Variants in KIAA1210 observed in about 807,000 individuals in gnomAD.
The protein encoded by KIAA1210 is acrosomal protein KIAA1210.
KIAA1210 carries 48 observed loss-of-function variants against 78.9 expected under a neutral mutation model. The ratio of observed to expected loss-of-function variants is 0.61; its 90% CI spans 0.48 to 0.77. KIAA1210 has a LOEUF of 0.77. KIAA1210 is among the 30% of genes least tolerant of loss of function. The pLI is 0.00. For synonymous variants in KIAA1210, 406 were observed against 404.5 expected, an observed-to-expected ratio of 1.00 and a Z score of -0.04; for missense variants, 1,108 against 1,100.0, an observed-to-expected ratio of 1.01 and a Z score of -0.10.
intron 4 of KIAA1210, among the ~76,000 whole-genome samples, chrX:119,108,717 A>C (rs1927971871): frequency 9.1e-6 from 1 of 109,337 alleles, no homozygotes; most frequent in Non-Finnish European, 1.9e-5. Context: ...GTACCAAAAA[A>C]TCATCCAGGC....
intron 3 of KIAA1210, among the ~76,000 whole-genome samples, chrX:119,109,590 T>A (rs1226361756): frequency 8.9e-6 from 1 of 112,055 alleles, no homozygotes; most frequent in Non-Finnish European, 1.9e-5. Context: ...TGAGATATAG[T>A]TTACATGCCA....
chrX:119,103,153 C>A (rs1479421147), intron 6 of KIAA1210, among the ~76,000 whole-genome samples: 6 of 111,763 alleles, frequency 5.4e-5, no homozygotes, highest in Non-Finnish European at 1.1e-4. Context: ...GACCTGCCTC[C>A]CAGGTGCACA....
chrX:119,108,469 T>A lies in KIAA1210; in HGVS notation c.360A>T (p.Arg120Ser). 1.7e-6 allele frequency: 2 copies of A among 1,207,054 alleles called. No homozygotes were observed. The highest frequency in any genetic ancestry group is 2.2e-6 in the Non-Finnish European group (2 of 893,294). The change falls in exon 5 of 12, where the codon AGA (arginine) becomes AGT (serine). Residue 120 changes from arginine (R) to serine (S), a missense_variant and splice_region_variant. This residue lies in a region of KIAA1210 where 672 missense variants were observed against 607.1 expected (regional missense o/e 1.11). Coordinates refer to ENST00000691062, the MANE Select transcript of KIAA1210 (RefSeq NM_001394962.1). ...TAGGCAGAGTTCTGGAAATATGGGA[T>A]CTCTGTGTAAGAGAGAGAGAAAAAA... ...MDPQRGRPQQ[R>S]SHISRTLPKP...
At chrX:119,108,113 G>A (rs1435003407) in intron 5 of KIAA1210, among the ~76,000 whole-genome samples, 3 of 111,795 alleles carry the variant, frequency 2.7e-5, no homozygotes, top group African/African-American at 9.8e-5. Flanking sequence ...GGGTGGGCTT[G>A]AGCAATATCT....
intron 6 of KIAA1210, among the ~76,000 whole-genome samples, chrX:119,102,422 C>T (rs1927761061): frequency 1.8e-5 from 2 of 111,132 alleles, no homozygotes; most frequent in Admixed American, 9.6e-5. Context: ...GGTGGAAGTA[C>T]AGTGGCTACA....
intron 6 of KIAA1210, among the ~76,000 whole-genome samples, chrX:119,098,489 C>T (rs938050976): frequency 9.1e-6 from 1 of 109,774 alleles, no homozygotes; most frequent in African/African-American, 3.3e-5. Context: ...CCTGTAATCC[C>T]AGCTACTTGG....
chrX:119,081,422 G>C lies in KIAA1210; in HGVS notation c.4509C>G (p.Phe1503Leu). The change falls in exon 12 of 12, where the codon TTC (phenylalanine) becomes TTG (leucine). Residue 1503 changes from phenylalanine to leucine, a missense_variant. Around this residue, in one of 5 missense-constraint regions of KIAA1210, gnomAD observed 245 missense variants for 278.8 expected, o/e 0.88. Transcript: ENST00000691062. ...GCTCAATTGGCTCAACTGGGTTCTG[G>C]AACTTGGCTGGGAGAGTTGAAGATC... The part of the protein sequence containing the change: ...TKRSSTLPAK[F>L]QNPVEPIEPV... 1 of 1,210,916 alleles carries C rather than the reference G, an allele frequency of 8.3e-7. No individual in the cohort carries two copies. Among genetic ancestry groups the C allele is most frequent in the Non-Finnish European group, 1.1e-6 (1 of 894,941 alleles).
At chrX:119,110,312 C>T (rs186116078) in intron 3 of KIAA1210, among the ~76,000 whole-genome samples, 113 of 112,002 alleles carry the variant, frequency 1.0e-3, no homozygotes, top group Admixed American at 5.6e-3. Flanking sequence ...ATTCAACACC[C>T]TTCCATGATA....
At chrX:119,093,802 A>G in intron 7 of KIAA1210, 27 bp from the exon 8 acceptor site, 1 of 1,147,232 alleles carries the variant, frequency 8.7e-7, no homozygotes, top group South Asian at 1.9e-5. Flanking sequence ...AAGAGCTTGA[A>G]TCCTACTGAA....
Position 119,081,150 on chromosome X carries a change from C to G in KIAA1210, c.*179G>C. ...GGCGTGATGGCGGGCGCCTGTAGTC[C>G]CAGCTAGTCGGGAGACTGAGGCGGG... On this transcript the variant is annotated 3_prime_UTR_variant, in exon 12 of 12. Coordinates refer to ENST00000691062, the MANE Select transcript of KIAA1210 (RefSeq NM_001394962.1). 6.1e-6 allele frequency: 2 copies of G among 327,462 alleles called. No individual in the cohort carries two copies. The highest frequency in any genetic ancestry group is 1.0e-5 in the Non-Finnish European group (2 of 195,741). The allele number at this position is 327,462 out of a possible 1,213,427, so 27.0% of individuals were successfully genotyped here.
At chrX:119,120,771 T>C (rs183171166) in intron 2 of KIAA1210, among the ~76,000 whole-genome samples, 3 of 111,993 alleles carry the variant, frequency 2.7e-5, no homozygotes, top group Non-Finnish European at 5.6e-5. Flanking sequence ...AAAAAGAATG[T>C]TTCCATTCCA....
At chrX:119,128,786 C>T (rs1368784551), upstream of KIAA1210, among the ~76,000 whole-genome samples, 1 of 111,469 alleles carries the variant, frequency 9.0e-6, no homozygotes, top group African/African-American at 3.3e-5. Flanking sequence ...AGTAACTCTC[C>T]TGCCTCAGCC....
intron 2 of KIAA1210, among the ~76,000 whole-genome samples, chrX:119,144,147 C>T (rs765552520): frequency 1.4e-4 from 16 of 111,944 alleles, no homozygotes; most frequent in Non-Finnish European, 2.6e-4. Flanking sequence ...GCAGGTTTGC[C>T]CATATAGTGC....
rs1220095673 is a variant in KIAA1210 at position 119,092,710 on chromosome X, G to A, written c.955+957C>T. Among the ~76,000 whole-genome samples, 10 of 109,059 alleles carry A rather than the reference G, an allele frequency of 9.2e-5. No individual in the cohort carries two copies. In the East Asian group the frequency reaches 2.0e-3, roughly 22 times the overall value. 94.7% of individuals were successfully genotyped at this position (109,059 alleles called of 115,157 possible). On this transcript the variant is annotated intron_variant, in intron 8 of 11. Transcript: ENST00000691062. ...AGGGAGGTGGAGGTTGCAGTGAGCC[G>A]AGATCATGCCACTGCACTCCAGCCT...
chrX:119,102,514 G>A (rs1927763973), intron 6 of KIAA1210, among the ~76,000 whole-genome samples: 1 of 109,647 alleles, frequency 9.1e-6, no homozygotes, highest in Non-Finnish European at 1.9e-5. Context: ...GAGTATCTGG[G>A]ACTACAGGCA....
rs969340018 is a variant in KIAA1210 at position 119,081,461 on chromosome X, T to C, written c.4470A>G (p.Glu1490=). 4.1e-6 allele frequency: 5 copies of C among 1,207,977 alleles called. No individual in the cohort carries two copies. The highest frequency in any genetic ancestry group is 4.6e-4 in the Middle Eastern group (2 of 4,366). The change falls in exon 12 of 12, where the codon GAA becomes GAG. Residue 1490 remains glutamate (E), a synonymous_variant. Coordinates refer to ENST00000691062, the MANE Select transcript of KIAA1210 (RefSeq NM_001394962.1). ...GAGTTGAAGATCGTTTGGTTTCTTT[T>C]TCCATGGCAGGAACTTGCAGTATCT... ...AQKILQVPAM[E]KETKRSSTLP...
intron 2 of KIAA1210, among the ~76,000 whole-genome samples, chrX:119,142,041 G>T (rs1027513041): frequency 8.9e-6 from 1 of 112,171 alleles, no homozygotes; most frequent in African/African-American, 3.2e-5. Flanking sequence ...AGGCTATGAC[G>T]CTGGACAAAT....
At chrX:119,089,834 T>A (rs1927313233) in intron 8 of KIAA1210, 88 bp from the exon 9 acceptor site, 3 of 858,343 alleles carry the variant, frequency 3.5e-6, no homozygotes, top group Non-Finnish European at 4.9e-6. Flanking sequence ...CAGTGGTACC[T>A]ATTTGCTACT....
chrX:119,117,214 G>T (rs182316753), intron 2 of KIAA1210, among the ~76,000 whole-genome samples: 1 of 112,434 alleles, frequency 8.9e-6, no homozygotes, highest in East Asian at 2.8e-4. Context: ...GAGTGAGTGC[G>T]GTTGGTTAGT....
Sources: gnomAD v4.1 joint callset for allele counts (sites outside exome capture counted in the v4.1 genomes callset) on GRCh38, gnomAD v4.1.1 for gene constraint, gnomAD v4.1.1 regional missense constraint, MANE v1.5 for transcripts, NCBI Gene and HGNC (gene_info 2026-07-23, HGNC 2026-07-21) for gene names.